The following ROR1 variants were observed in gnomAD, a reference collection of about 807,000 sequenced individuals.
ROR1 encodes inactive tyrosine-protein kinase transmembrane receptor ROR1.
In ROR1, 19 loss-of-function variants were observed where a neutral mutation model predicts 78.8. The observed-to-expected ratio is 0.24, with a 90% CI of 0.17 to 0.35. The LOEUF (loss-of-function observed/expected upper bound fraction) is 0.35. Ranked by LOEUF, ROR1 falls within the 10% of genes least tolerant of loss-of-function variation. The pLI, the probability that ROR1 is intolerant of heterozygous loss-of-function variation, is 1.00. For synonymous variants in ROR1, 386 were observed against 433.6 expected, an observed-to-expected ratio of 0.89 and a Z score of 1.36; for missense variants, 917 against 1,177.8, an observed-to-expected ratio of 0.78 and a Z score of 3.24.
chr1:64,107,787 A>G (rs1428777497), intron 4 of ROR1, among the ~76,000 whole-genome samples: 1 of 151,946 alleles, frequency 6.6e-6, no homozygotes, highest in Non-Finnish European at 1.5e-5. Flanking sequence ...CCTCTGACGT[A>G]TTTTCAAATT....
At chr1:63,870,764 G>A (rs533204184) in intron 1 of ROR1, among the ~76,000 whole-genome samples, 16 of 152,262 alleles carry the variant, frequency 1.1e-4, no homozygotes, top group African/African-American at 3.6e-4. Context: ...GGTGTAAAAT[G>A]ATAACTCAAA....
intron 1 of ROR1, among the ~76,000 whole-genome samples, chr1:63,889,753 T>G (rs78643711): frequency 0.012 from 1,757 of 152,342 alleles, 20 homozygotes; most frequent in Middle Eastern, 0.037. Flanking sequence ...TGATTTATCA[T>G]TGGCTTTTAA....
intron 6 of ROR1, among the ~76,000 whole-genome samples, chr1:64,141,990 A>C (rs1440106697): frequency 6.6e-6 from 1 of 152,164 alleles, no homozygotes; most frequent in East Asian, 1.9e-4. Flanking sequence ...TGTGAATTAC[A>C]ATACCAACTA....
intron 1 of ROR1, chr1:63,789,124 C>G (rs1385041382): frequency 1.6e-6 from 1 of 610,708 alleles, no homozygotes; most frequent in African/African-American, 1.8e-5. Context: ...TGGCATCGAG[C>G]CTGGGAATGG....
At chr1:64,142,192 C>T (rs971390612) in intron 6 of ROR1, among the ~76,000 whole-genome samples, 4 of 152,272 alleles carry the variant, frequency 2.6e-5, no homozygotes, top group East Asian at 3.9e-4. Context: ...GAAGCAAAAG[C>T]TTTAAATCCT....
chr1:63,895,978 G>A (rs1645436137), intron 1 of ROR1, among the ~76,000 whole-genome samples: 1 of 151,976 alleles, frequency 6.6e-6, no homozygotes, highest in African/African-American at 2.4e-5. Context: ...CAGTAAAAGG[G>A]CTCACAGGTC....
At position 63,785,525 on chromosome 1, in the gene ROR1, ATTTAAT is replaced by A. The variant is rs1403968258; in HGVS notation, c.91+11021_91+11026del. Among the ~76,000 whole-genome samples the A allele has an allele frequency of 1.6e-3, 185 of 116,582 alleles. 2 individuals carry two copies. Among genetic ancestry groups the A allele is most frequent in the African/African-American group, 8.1e-3 (174 of 21,588 alleles). The allele number at this position is 116,582 out of a possible 152,430, so 76.5% of individuals were successfully genotyped here. ...TATTTATTTATTTATTTATTTATTT[ATTTAAT>A]TTTTTTTTTGAGACGGAGTCTCACT... is the stretch of plus-strand genomic sequence containing the variant. On this transcript the variant is annotated intron_variant, in intron 1 of 8. Coordinates refer to ENST00000371079, the MANE Select transcript of ROR1 (RefSeq NM_005012.4).
chr1:64,078,561 C>G (rs17321437), intron 4 of ROR1, among the ~76,000 whole-genome samples: 4,005 of 152,146 alleles, frequency 0.026, 65 homozygotes, highest in Non-Finnish European at 0.042. Context: ...GATGCAGAGC[C>G]TATTCCTAGG....
chr1:63,907,123 C>T (rs182984541), intron 1 of ROR1, among the ~76,000 whole-genome samples: 8 of 152,300 alleles, frequency 5.3e-5, no homozygotes, highest in East Asian at 3.9e-4. Context: ...CCACAGCTTT[C>T]GCCCCCAGAT....
rs530306975 is a variant in ROR1, at chr1:63,847,566, G to A, written c.91+73058G>A. Among the ~76,000 whole-genome samples the A allele has an allele frequency of 6.6e-5, 10 of 152,220 alleles. No individual in the cohort carries two copies. The South Asian group carries it at 8.3e-4, about 13-fold the overall frequency. ...AGGACGTGGATGGTGCCATGCTGGC[G>A]TCTCTGTGCATCTGGCAGCGCAACA... On this transcript the variant is annotated intron_variant, in intron 1 of 8. Coordinates refer to ENST00000371079, the MANE Select transcript of ROR1 (RefSeq NM_005012.4).
chr1:64,152,111 T>G lies in ROR1; in HGVS notation c.1175-6870T>G, dbSNP rs147482589. On this transcript the variant is annotated intron_variant, in intron 7 of 8. Transcript: ENST00000371079. Reference sequence around the variant, plus strand: ...GAAACCAAAACTCGTATGCAAAATCTGATTTTTTTTAAATGTTGGCCACTG... The same window carrying G: ...GAAACCAAAACTCGTATGCAAAATCGGATTTTTTTTAAATGTTGGCCACTG... Among the ~76,000 whole-genome samples the G allele has an allele frequency of 3.0e-3, 452 of 152,308 alleles. 4 individuals carry two copies. Among genetic ancestry groups the G allele is most frequent in the Non-Finnish European group, 4.0e-3 (270 of 68,022 alleles).
intron 1 of ROR1, among the ~76,000 whole-genome samples, chr1:63,931,970 C>G (rs765526394): frequency 1.3e-5 from 2 of 152,180 alleles, no homozygotes; most frequent in African/African-American, 4.8e-5. Context: ...CAGGCATCCA[C>G]TGGGGTCTAG....
At chr1:64,103,729 T>C (rs1336005503) in intron 4 of ROR1, among the ~76,000 whole-genome samples, 2 of 152,126 alleles carry the variant, frequency 1.3e-5, no homozygotes, top group East Asian at 1.9e-4. Flanking sequence ...ACTGAAAATA[T>C]AGATTTCAGT....
chr1:63,886,463 A>G (rs1014381134), intron 1 of ROR1, among the ~76,000 whole-genome samples: 1 of 152,104 alleles, frequency 6.6e-6, no homozygotes, highest in Non-Finnish European at 1.5e-5. Flanking sequence ...GGTTTTTGCT[A>G]CTTGCCAGGG....
intron 1 of ROR1, among the ~76,000 whole-genome samples, chr1:63,965,838 T>C (rs1646070189): frequency 6.6e-6 from 1 of 152,192 alleles, no homozygotes; most frequent in Non-Finnish European, 1.5e-5. Flanking sequence ...TTGAACTAAA[T>C]AAACGTCATG....
In ROR1 at chr1:64,052,927, T is replaced by A. The variant is rs148537098; in HGVS notation, c.482+2211T>A. The stretch of plus-strand genomic sequence containing the variant: ...CCACCACTTCCCCTGTCTCTAGGAG[T>A]TCTTCACTTCCTGAGACTAACTCCC... On this transcript the variant is annotated intron_variant, in intron 4 of 8. Transcript: ENST00000371079. Among the ~76,000 whole-genome samples the A allele has an allele frequency of 2.3e-3, 349 of 152,178 alleles. 2 individuals carry two copies. Among genetic ancestry groups the A allele is most frequent in the Non-Finnish European group, 3.7e-3 (255 of 68,010 alleles).
intron 2 of ROR1, among the ~76,000 whole-genome samples, chr1:64,013,158 T>C (rs1484481710): frequency 6.6e-6 from 1 of 152,084 alleles, no homozygotes; most frequent in Non-Finnish European, 1.5e-5. Context: ...CATTGGAGAG[T>C]AAGAAGTGAT....
chr1:64,049,555 C>T lies in ROR1; in HGVS notation c.164-136C>T, dbSNP rs564196999. 7.9e-6 allele frequency: 6 copies of T among 761,496 alleles called. No individual in the cohort carries two copies. In the Admixed American group the frequency reaches 9.5e-5, roughly 12 times the overall value. 47.2% of individuals were successfully genotyped at this position (761,496 alleles called of 1,614,324 possible). A position where few individuals can be genotyped will look rare whatever the true frequency, so the allele number is the denominator to read the frequency against. Reference sequence around the variant, plus strand: ...CTGGTCTTAATCAATGTGATTGTTTCTTTCCTTGTCTGTCTCACCTGCCTC... The same window carrying T: ...CTGGTCTTAATCAATGTGATTGTTTTTTTCCTTGTCTGTCTCACCTGCCTC... On this transcript the variant is annotated intron_variant, in intron 2 of 8. Transcript: ENST00000371079.
intron 1 of ROR1, among the ~76,000 whole-genome samples, chr1:63,853,080 G>A (rs1645124430): frequency 6.6e-6 from 1 of 152,192 alleles, no homozygotes; most frequent in South Asian, 2.1e-4. Flanking sequence ...ATGTATCTGA[G>A]TTCTCTTTGA....
Sources: allele counts gnomAD v4.1 joint callset (sites outside exome capture counted in the v4.1 genomes callset), GRCh38; gene constraint gnomAD v4.1.1; transcripts MANE v1.5; gene names NCBI Gene and HGNC (gene_info 2026-07-23, HGNC 2026-07-21).